CADM2: variants seen among roughly 807,000 people sequenced by gnomAD.
The protein encoded by CADM2 is cell adhesion molecule 2.
CADM2 carries 12 observed loss-of-function variants against 49.8 expected under a neutral mutation model. The observed-to-expected ratio is 0.24, with a 90% CI of 0.15 to 0.39. The LOEUF (loss-of-function observed/expected upper bound fraction) is 0.39, where lower values mean the gene tolerates loss of function less well. Ranked by LOEUF, CADM2 falls within the 10% of genes least tolerant of loss-of-function variation. The probability of loss-of-function intolerance (pLI) is 1.00; values close to 1 mark genes in which losing one functional copy is unlikely to be tolerated. For missense variants in CADM2, 378 were observed against 492.3 expected, an observed-to-expected ratio of 0.77 and a Z score of 2.20; for synonymous variants, 214 against 175.4, an observed-to-expected ratio of 1.22 and a Z score of -1.74.
At chr3:85,461,458 G>T (rs1052882239) in intron 1 of CADM2, among the ~76,000 whole-genome samples, 2 of 152,154 alleles carry the variant, frequency 1.3e-5, no homozygotes, top group East Asian at 1.9e-4. Context: ...AATCATTATT[G>T]ATATTTTAGT....
chr3:85,519,023 A>C (rs1040967368), intron 1 of CADM2, among the ~76,000 whole-genome samples: 1 of 152,144 alleles, frequency 6.6e-6, no homozygotes, highest in Non-Finnish European at 1.5e-5. Flanking sequence ...AGGACTAGTC[A>C]TATTTGTTTT....
chr3:85,576,039 T>C (rs762368575), intron 1 of CADM2, among the ~76,000 whole-genome samples: 25 of 152,210 alleles, frequency 1.6e-4, no homozygotes, highest in Admixed American at 7.2e-4. Context: ...CCATGGAAAC[T>C]GTCTAGCCAA....
chr3:85,100,893 C>A (rs1156904160), intron 1 of CADM2, among the ~76,000 whole-genome samples: 1 of 152,132 alleles, frequency 6.6e-6, no homozygotes, highest in Non-Finnish European at 1.5e-5. Flanking sequence ...TTATGATAGT[C>A]TTTTGTCATG....
intron 1 of CADM2, among the ~76,000 whole-genome samples, chr3:85,074,924 A>AC (rs2036885717): frequency 6.6e-6 from 1 of 152,074 alleles, no homozygotes; most frequent in African/African-American, 2.4e-5. Flanking sequence ...CCTCTCAAAA[A>AC]AAAAAAAATC....
chr3:85,261,410 A>T (rs2043011825), intron 1 of CADM2, among the ~76,000 whole-genome samples: 1 of 152,200 alleles, frequency 6.6e-6, no homozygotes, highest in Admixed American at 6.5e-5. Context: ...CTAGGATTAC[A>T]GGTGTGAGCC....
At chr3:85,097,398 A>G (rs1259518034) in intron 1 of CADM2, among the ~76,000 whole-genome samples, 3 of 152,070 alleles carry the variant, frequency 2.0e-5, no homozygotes, top group African/African-American at 7.2e-5. Context: ...CCAGTCTATC[A>G]TTGTTGGACA....
intron 2 of CADM2, among the ~76,000 whole-genome samples, chr3:85,755,405 C>G (rs994214390): frequency 1.3e-5 from 2 of 151,964 alleles, no homozygotes; most frequent in Admixed American, 1.3e-4. Flanking sequence ...GCTTCCTGCC[C>G]TCTCCAGACA....
intron 3 of CADM2, among the ~76,000 whole-genome samples, chr3:85,824,868 A>G (rs2108203418): frequency 6.6e-6 from 1 of 152,192 alleles, no homozygotes; most frequent in Non-Finnish European, 1.5e-5. Context: ...TTTTAAATTT[A>G]TATTGGCAAT....
chr3:85,618,025 ATTACTTGATATT>A (rs2063846451), intron 1 of CADM2, among the ~76,000 whole-genome samples: 1 of 152,162 alleles, frequency 6.6e-6, no homozygotes, highest in South Asian at 2.1e-4. Flanking sequence ...CTATTGAACA[ATTACTTGATATT>A]TTAAACATAC....
intron 5 of CADM2, among the ~76,000 whole-genome samples, chr3:85,902,536 A>C (rs1474607877): frequency 1.3e-5 from 2 of 151,700 alleles, no homozygotes; most frequent in Non-Finnish European, 3.0e-5. Context: ...ATATTGGTTA[A>C]TTTCCATGTA....
At chr3:85,940,712 C>T (rs893009047) in intron 7 of CADM2, among the ~76,000 whole-genome samples, 2 of 151,928 alleles carry the variant, frequency 1.3e-5, no homozygotes, top group Admixed American at 1.3e-4. Flanking sequence ...TACTTTGAGG[C>T]ACAAAATGTT....
intron 1 of CADM2, among the ~76,000 whole-genome samples, chr3:85,615,404 A>G (rs977324697): frequency 6.6e-6 from 1 of 151,984 alleles, no homozygotes; most frequent in Non-Finnish European, 1.5e-5. Context: ...GTGGAATTTC[A>G]GTGGTCCTCA....
intron 1 of CADM2, among the ~76,000 whole-genome samples, chr3:85,063,964 C>T (rs1260084216): frequency 6.6e-6 from 1 of 152,066 alleles, no homozygotes; most frequent in Admixed American, 6.6e-5. Context: ...CAGTAGGTTT[C>T]CACACTTCAG....
intron 1 of CADM2, among the ~76,000 whole-genome samples, chr3:85,612,699 T>G (rs965785566): frequency 1.6e-4 from 24 of 151,820 alleles, no homozygotes; most frequent in African/African-American, 5.8e-4. Context: ...AAACAATTTA[T>G]TATGATTTGA....
chr3:85,560,048 C>T (rs2062053836), intron 1 of CADM2, among the ~76,000 whole-genome samples: 2 of 152,008 alleles, frequency 1.3e-5, no homozygotes, highest in African/African-American at 4.8e-5. Context: ...ATTAATTCGC[C>T]CCTCTTCTAG....
intron 1 of CADM2, among the ~76,000 whole-genome samples, chr3:85,641,259 A>G (rs1266142452): frequency 6.6e-6 from 1 of 152,216 alleles, no homozygotes; most frequent in South Asian, 2.1e-4. Flanking sequence ...TACACTAGTA[A>G]TAGAAAATAT....
chr3:85,314,793 AC>A (rs2107069492), intron 1 of CADM2, among the ~76,000 whole-genome samples: 1 of 152,260 alleles, frequency 6.6e-6, no homozygotes, highest in South Asian at 2.1e-4. Flanking sequence ...ATAGTCAAAT[AC>A]TCATGGGATC....
chr3:85,381,529 A>T (rs2033907740), intron 1 of CADM2, among the ~76,000 whole-genome samples: 1 of 148,176 alleles, frequency 6.7e-6, no homozygotes, highest in Admixed American at 6.8e-5. Context: ...ATATATAAAG[A>T]TTTTGTTGGC....
chr3:85,619,505 C>T (rs2063906520), intron 1 of CADM2, among the ~76,000 whole-genome samples: 1 of 152,068 alleles, frequency 6.6e-6, no homozygotes, highest in Non-Finnish European at 1.5e-5. Context: ...CACTGCAAAT[C>T]AGTTAGATAC....
Sources: allele counts gnomAD v4.1 joint callset (sites outside exome capture counted in the v4.1 genomes callset), GRCh38; gene constraint gnomAD v4.1.1; transcripts MANE v1.5; gene names NCBI Gene and HGNC (gene_info 2026-07-23, HGNC 2026-07-21).